The following CENPP variants were observed in gnomAD, a reference collection of about 807,000 sequenced individuals.
CENPP encodes the protein centromere protein P.
In CENPP, 24 loss-of-function variants were observed where a neutral mutation model predicts 35.6. That is an observed-to-expected ratio of 0.67 (90% CI 0.49 to 0.95). CENPP has a LOEUF of 0.95. CENPP is among the 40% of genes least tolerant of loss of function. The pLI, the probability that CENPP is intolerant of heterozygous loss-of-function variation, is 0.00. For missense variants in CENPP, 332 were observed against 345.3 expected (o/e 0.96, Z 0.31); for synonymous variants, 120 against 125.5 (o/e 0.96, Z 0.29).
intron 5 of CENPP, among the ~76,000 whole-genome samples, chr9:92,532,015 G>GTTTTTTTTGTTTTTTTTTTTT (rs1563990161): frequency 4.2e-5 from 4 of 95,736 alleles, no homozygotes; most frequent in Non-Finnish European, 7.8e-5. Context: ...TTTATTTAAT[G>GTTTTTTTTGTTTTTTTTTTTT]TTTTTTTTTT....
At chr9:92,611,577 G>C (rs1042045847) in intron 6 of CENPP, among the ~76,000 whole-genome samples, 184 bp downstream of exon 6, 6 of 152,164 alleles carry the variant, frequency 3.9e-5, no homozygotes, top group Non-Finnish European at 4.4e-5. Context: ...TGGAGCTCTG[G>C]AGGATGTGCT....
chr9:92,514,513 G>T (rs1847560680), intron 5 of CENPP: 1 of 1,350,994 alleles, frequency 7.4e-7, no homozygotes. Flanking sequence ...GACCTCAGGT[G>T]ATCTGGCCAC....
At chr9:92,570,185 G>A (rs117303399) in intron 5 of CENPP, among the ~76,000 whole-genome samples, 5,998 of 151,832 alleles carry the variant, frequency 0.04, 180 homozygotes, top group South Asian at 0.099. Flanking sequence ...CTTCTAGTCT[G>A]CCCATTCAGT....
chr9:92,490,973 T>C (rs1289433052), intron 5 of CENPP, among the ~76,000 whole-genome samples: 1 of 152,204 alleles, frequency 6.6e-6, no homozygotes, highest in African/African-American at 2.4e-5. Flanking sequence ...CTTTGGGTAA[T>C]ATAACTCATA....
Position 92,407,833 on chromosome 9 carries a change from G to A in CENPP, c.564+27974G>A, listed in dbSNP as rs541643415. Among the ~76,000 whole-genome samples, 149 of 152,150 alleles carry A rather than the reference G, an allele frequency of 9.8e-4. 1 individual carries two copies. The highest frequency in any genetic ancestry group is 2.9e-3 in the African/African-American group (121 of 41,522). On this transcript the variant is annotated intron_variant, in intron 5 of 7. Transcript: ENST00000375587. Reference sequence around the variant, plus strand: ...CTCTTATGTTACCCAGGCTGGTCTCGAACTTTTGACCTAAAGTGATCCACC... The same window carrying A: ...CTCTTATGTTACCCAGGCTGGTCTCAAACTTTTGACCTAAAGTGATCCACC...
rs937865941 is a variant in CENPP, at chr9:92,325,965, G to A, written c.-34G>A. ...AAGCGCGCAGGTCGGAGTGACAGCT[G>A]CGCTGCCGGCCCGGCTGCGGTCAGC... is the stretch of plus-strand genomic sequence containing the variant. On this transcript the variant is annotated 5_prime_UTR_variant, in exon 1 of 8. Coordinates refer to ENST00000375587, the MANE Select transcript of CENPP (RefSeq NM_001012267.3). The A allele has an allele frequency of 2.5e-5, 38 of 1,525,362 alleles. No homozygotes were observed. In the East Asian group the frequency reaches 2.9e-4, roughly 12 times the overall value. The allele number at this position is 1,525,362 out of a possible 1,614,324, so 94.5% of individuals were successfully genotyped here.
chr9:92,353,387 C>A (rs1841513325), intron 4 of CENPP, among the ~76,000 whole-genome samples: 1 of 152,296 alleles, frequency 6.6e-6, no homozygotes, highest in African/African-American at 2.4e-5. Flanking sequence ...ACCTTCATTC[C>A]TGAAGGATCT....
intron 5 of CENPP, among the ~76,000 whole-genome samples, chr9:92,406,943 A>G (rs576190930): frequency 1.3e-5 from 2 of 152,316 alleles, no homozygotes; most frequent in South Asian, 2.1e-4. Context: ...ATTACATTTG[A>G]TAATTCCCTA....
intron 5 of CENPP, among the ~76,000 whole-genome samples, chr9:92,422,724 A>T (rs1348827056): frequency 6.6e-6 from 1 of 151,954 alleles, no homozygotes; most frequent in African/African-American, 2.4e-5. Flanking sequence ...TCCTGTTTTC[A>T]TCTATATGCT....
In CENPP at chr9:92,338,322, A is replaced by G. The variant is rs113625238; in HGVS notation, c.378+693A>G. On this transcript the variant is annotated intron_variant, in intron 3 of 7. Coordinates refer to ENST00000375587, the MANE Select transcript of CENPP (RefSeq NM_001012267.3). ...GTGAGACTCTGTCACACACAAAAAAAAAACCACCAAAAATACAATTATCCC... is the reference window on the plus strand; with the variant it reads ...GTGAGACTCTGTCACACACAAAAAAGAAACCACCAAAAATACAATTATCCC... Among the ~76,000 whole-genome samples, 218 of 152,130 alleles carry G rather than the reference A, an allele frequency of 1.4e-3. 2 individuals carry two copies. The highest frequency in any genetic ancestry group is 5.1e-3 in the African/African-American group (213 of 41,500).
chr9:92,471,856 C>A (rs924405361), intron 5 of CENPP, among the ~76,000 whole-genome samples: 1 of 151,958 alleles, frequency 6.6e-6, no homozygotes, highest in African/African-American at 2.4e-5. Flanking sequence ...CACAGCGTTT[C>A]GCCATGTTGG....
chr9:92,522,410 G>A (rs556569230), intron 5 of CENPP, among the ~76,000 whole-genome samples: 3 of 152,174 alleles, frequency 2.0e-5, no homozygotes, highest in East Asian at 3.9e-4. Flanking sequence ...ATTTTAAAAT[G>A]TATGTTTGTA....
At chr9:92,357,845 G>A (rs1050375725) in intron 4 of CENPP, among the ~76,000 whole-genome samples, 1 of 128,028 alleles carries the variant, frequency 7.8e-6, no homozygotes, top group Non-Finnish European at 1.6e-5. Context: ...AAAATTCTTG[G>A]TTGACAGATT....
intron 5 of CENPP, among the ~76,000 whole-genome samples, chr9:92,501,786 G>T (rs1040724450): frequency 3.9e-5 from 6 of 152,128 alleles, no homozygotes; most frequent in African/African-American, 1.2e-4. Flanking sequence ...TGCTACTTAG[G>T]CACATAGTTC....
In CENPP at chr9:92,616,130, TTTC is replaced by T; in HGVS notation, c.*2987_*2989del. On this transcript the variant is annotated 3_prime_UTR_variant, in exon 8 of 8. Transcript: ENST00000375587. ...TTCCCTCCCTCCCGTTCTCTCTCCC[TTTC>T]TTCTTTCAACTAGTATGTTTTTATG... The T allele has an allele frequency of 9.9e-7, 1 of 1,008,984 alleles. No homozygotes were observed. The highest frequency in any genetic ancestry group is 1.6e-5 in the African/African-American group (1 of 61,626). 62.5% of individuals were successfully genotyped at this position (1,008,984 alleles called of 1,614,324 possible). A position where few individuals can be genotyped will look rare whatever the true frequency, so the allele number is the denominator to read the frequency against.
chr9:92,457,465 A>C (rs1232690213), intron 5 of CENPP: 1 of 1,610,498 alleles, frequency 6.2e-7, no homozygotes, highest in South Asian at 1.1e-5. Context: ...TTGCAATTGA[A>C]TTAGAATGAA....
chr9:92,533,692 T>G (rs916448745), intron 5 of CENPP, among the ~76,000 whole-genome samples: 2 of 152,136 alleles, frequency 1.3e-5, no homozygotes, highest in African/African-American at 4.8e-5. Context: ...ATCCTCTTTT[T>G]CTCAGAGAAT....
At chr9:92,330,750 G>A (rs995810029) in intron 1 of CENPP, among the ~76,000 whole-genome samples, 6 of 146,586 alleles carry the variant, frequency 4.1e-5, no homozygotes, top group South Asian at 2.1e-4. Flanking sequence ...ATACAGTGGC[G>A]TGATCTTGGC....
intron 5 of CENPP, among the ~76,000 whole-genome samples, chr9:92,545,533 C>T (rs367836664): frequency 0.069 from 6,063 of 87,604 alleles, 184 homozygotes; most frequent in South Asian, 0.15. Context: ...AGCCTCCCGC[C>T]CCGCCGGGCC....
Sources: allele counts gnomAD v4.1 joint callset (sites outside exome capture counted in the v4.1 genomes callset), GRCh38; gene constraint gnomAD v4.1.1; transcripts MANE v1.5; gene names NCBI Gene and HGNC (gene_info 2026-07-23, HGNC 2026-07-21).